Variants in PPP2R2A observed in about 807,000 individuals in gnomAD.
The protein encoded by PPP2R2A is serine/threonine-protein phosphatase 2A 55 kDa regulatory subunit B alpha isoform.
PPP2R2A carries 9 observed loss-of-function variants against 53.2 expected under a neutral mutation model. The observed-to-expected ratio is 0.17, with a 90% CI of 0.10 to 0.30. PPP2R2A has a LOEUF of 0.30. PPP2R2A is among the 10% of genes least tolerant of loss of function. The pLI, the probability that PPP2R2A is intolerant of heterozygous loss-of-function variation, is 1.00. For synonymous variants in PPP2R2A, 169 were observed against 174.2 expected (o/e 0.97, Z 0.23); for missense variants, 235 against 534.6 (o/e 0.44, Z 5.53).
At chr8:26,327,138 C>T (rs185213363) in intron 2 of PPP2R2A, among the ~76,000 whole-genome samples, 30 of 152,274 alleles carry the variant, frequency 2.0e-4, no homozygotes, top group African/African-American at 7.0e-4. Flanking sequence ...GGGGTCTTAG[C>T]TGACTAGAGT....
Position 26,372,159 on chromosome 8 carries a change from CTT to C in PPP2R2A, c.*1749_*1750del. The stretch of plus-strand genomic sequence containing the variant: ...ATTTTATGTAATAAAATTACTGTAT[CTT>C]TTGGATTTAACAAATTTGTATTTGA... On this transcript the variant is annotated 3_prime_UTR_variant, in exon 10 of 10. Coordinates refer to ENST00000380737, the MANE Select transcript of PPP2R2A (RefSeq NM_002717.4). The C allele has an allele frequency of 6.6e-6, 1 of 152,230 alleles. No individual in the cohort carries two copies. Among genetic ancestry groups the C allele is most frequent in the African/African-American group, 2.4e-5 (1 of 41,538 alleles). The allele number at this position is 152,230 out of a possible 1,614,324, so 9.4% of individuals were successfully genotyped here.
intron 9 of PPP2R2A, among the ~76,000 whole-genome samples, chr8:26,366,647 C>T (rs1255126067): frequency 6.6e-6 from 1 of 151,854 alleles, no homozygotes; most frequent in Non-Finnish European, 1.5e-5. Flanking sequence ...CTTTTATGAA[C>T]CAGATCACAT....
chr8:26,339,008 G>A (rs184729032), intron 3 of PPP2R2A, 21 bp downstream of exon 3: 3 of 1,546,942 alleles, frequency 1.9e-6, no homozygotes, highest in Non-Finnish European at 2.7e-6. Flanking sequence ...AAAGTTTATT[G>A]TCTAAATTTC....
chr8:26,299,268 A>G (rs566841484), intron 2 of PPP2R2A, among the ~76,000 whole-genome samples: 2,918 of 152,292 alleles, frequency 0.019, 90 homozygotes, highest in African/African-American at 0.067. Context: ...TTTCAAAAAA[A>G]AAAAAGGAAC....
chr8:26,361,012 C>T lies in PPP2R2A; in HGVS notation c.498C>T (p.Ala166=). Residue 166 remains alanine, a synonymous_variant, in exon 6 of 10, where the codon GCC becomes GCT. Coordinates refer to ENST00000380737, the MANE Select transcript of PPP2R2A (RefSeq NM_002717.4). Reference sequence around the variant, plus strand: ...GGCCTATGGATCTAATGGTTGAGGCCAGTCCACGAAGAATATTTGCCAATG... The same window carrying T: ...GGCCTATGGATCTAATGGTTGAGGCTAGTCCACGAAGAATATTTGCCAATG... The part of the protein sequence containing the change: ...VFRPMDLMVE[A]SPRRIFANAH... 2 of 1,607,072 alleles carry T rather than the reference C, an allele frequency of 1.2e-6. No homozygotes were observed. The highest frequency in any genetic ancestry group is 1.7e-6 in the Non-Finnish European group (2 of 1,178,728).
chr8:26,310,077 T>C (rs886804465), intron 2 of PPP2R2A, among the ~76,000 whole-genome samples: 8 of 148,646 alleles, frequency 5.4e-5, no homozygotes, highest in Non-Finnish European at 1.2e-4. Flanking sequence ...GGTCAAGATA[T>C]CTAGACCATC....
chr8:26,359,170 T>C (rs1334808231), intron 4 of PPP2R2A: 7 of 197,168 alleles, frequency 3.6e-5, no homozygotes, highest in African/African-American at 1.4e-4. Context: ...AGGGATATTC[T>C]ACAAAGTACC....
In PPP2R2A at chr8:26,291,677, T is replaced by G; in HGVS notation, c.-143T>G. On this transcript the variant is annotated 5_prime_UTR_variant, in exon 1 of 10. Coordinates refer to ENST00000380737, the MANE Select transcript of PPP2R2A (RefSeq NM_002717.4). The stretch of plus-strand genomic sequence containing the variant: ...TGGTCTGCCCGCCCCTCCTTCCTTT[T>G]CCCCCCGGCCCCCGTCCCCTCCCCC... 8.9e-6 allele frequency: 4 copies of G among 451,620 alleles called. No homozygotes were observed. Among genetic ancestry groups the G allele is most frequent in the Non-Finnish European group, 1.2e-5 (3 of 242,348 alleles). The allele number at this position is 451,620 out of a possible 1,614,324, so 28.0% of individuals were successfully genotyped here.
At chr8:26,365,970 A>G in intron 8 of PPP2R2A, 2 of 177,628 alleles carry the variant, frequency 1.1e-5, no homozygotes, top group South Asian at 1.6e-4. Context: ...AGCCAAGAAT[A>G]GTGATATTCA....
intron 6 of PPP2R2A, 132 bp downstream of exon 6, chr8:26,361,283 T>C (rs112555810): frequency 1.3e-6 from 1 of 788,990 alleles, no homozygotes; most frequent in Non-Finnish European, 1.8e-6. Context: ...ACCTTATTTT[T>C]TTCTTTGTAG....
intron 1 of PPP2R2A, 60 bp from the exon 2 acceptor site, chr8:26,293,606 T>C: frequency 1.3e-6 from 2 of 1,499,538 alleles, no homozygotes; most frequent in Admixed American, 1.8e-5. Context: ...ACCATCTTTG[T>C]GTTTACGAGA....
At position 26,354,480 on chromosome 8, in the gene PPP2R2A, T is replaced by C. The variant is rs759962230; in HGVS notation, c.193T>C (p.Ser65Pro). 1.6e-5 allele frequency: 25 copies of C among 1,539,344 alleles called. 1 individual carries two copies. The South Asian group carries it at 3.2e-4, about 20-fold the overall frequency. The change falls in exon 4 of 10, where the codon TCT becomes CCT. Residue 65 changes from serine (S) to proline (P), a missense_variant. Ser to Pro is a moderately conservative substitution (Grantham distance 74). This residue lies in a region of PPP2R2A where 51 missense variants were observed against 80.6 expected (regional missense o/e 0.63). Coordinates refer to ENST00000380737, the MANE Select transcript of PPP2R2A (RefSeq NM_002717.4). The surrounding 1 kb of genome is among the most constrained non-coding windows in gnomAD (Gnocchi z 4.6). ...FQQEQENKIQ[S>P]HSRGEYNVYS... ...GTTTTCATTTTAGAACAAAATCCAG[T>C]CTCATAGCAGAGGAGAATATAATGT...
At chr8:26,326,721 C>G (rs1181741384) in intron 2 of PPP2R2A, among the ~76,000 whole-genome samples, 1 of 152,136 alleles carries the variant, frequency 6.6e-6, no homozygotes, top group Non-Finnish European at 1.5e-5. Flanking sequence ...TTACATTATA[C>G]TTAATAAGGC....
chr8:26,353,121 A>C (rs1292707695), intron 3 of PPP2R2A, among the ~76,000 whole-genome samples: 3 of 152,206 alleles, frequency 2.0e-5, no homozygotes, highest in African/African-American at 4.8e-5. Context: ...AGATTTGTGG[A>C]GCTTTAAAGT....
intron 2 of PPP2R2A, among the ~76,000 whole-genome samples, chr8:26,323,868 AC>A (rs1422578257): frequency 6.6e-6 from 1 of 152,118 alleles, no homozygotes; most frequent in African/African-American, 2.4e-5. Context: ...TGTGGCTACC[AC>A]CTGAGTTCTG....
At chr8:26,307,792 A>G (rs77773849) in intron 2 of PPP2R2A, among the ~76,000 whole-genome samples, 7,142 of 152,310 alleles carry the variant, frequency 0.047, 268 homozygotes, top group Non-Finnish European at 0.074. Flanking sequence ...ATAAATTATT[A>G]CTTTCATTTT....
intron 2 of PPP2R2A, among the ~76,000 whole-genome samples, chr8:26,337,971 A>C (rs906179087): frequency 6.6e-6 from 1 of 152,236 alleles, no homozygotes; most frequent in African/African-American, 2.4e-5. Flanking sequence ...TAAAGTATGT[A>C]TATCATCAGA....
intron 1 of PPP2R2A, 76 bp downstream of exon 1, chr8:26,291,902 G>T (rs1246851576): frequency 4.1e-6 from 6 of 1,451,630 alleles, no homozygotes; most frequent in South Asian, 1.2e-5. Context: ...CCTAGCGACC[G>T]CCCGCGCCTC....
intron 2 of PPP2R2A, among the ~76,000 whole-genome samples, chr8:26,308,553 G>A (rs1276534950): frequency 2.6e-5 from 4 of 152,160 alleles, no homozygotes; most frequent in Non-Finnish European, 5.9e-5. Context: ...CTCATCTATT[G>A]ATGGTATCAT....
Sources: gnomAD v4.1 joint callset for allele counts (sites outside exome capture counted in the v4.1 genomes callset) on GRCh38, gnomAD v4.1.1 for gene constraint, gnomAD v4.1.1 regional missense constraint, Gnocchi (gnomAD v3.1) non-coding constraint, MANE v1.5 for transcripts, NCBI Gene and HGNC (gene_info 2026-07-23, HGNC 2026-07-21) for gene names.